Variants in UNC13D observed in about 807,000 individuals in gnomAD.
UNC13D encodes unc-13 homolog D, also known as protein unc-13 homolog D.
A neutral mutation model predicts 151.7 loss-of-function variants in UNC13D; 115 were observed. That is an observed-to-expected ratio of 0.76 (90% confidence interval 0.65 to 0.88). The LOEUF (loss-of-function observed/expected upper bound fraction) is 0.88, where lower values mean the gene tolerates loss of function less well. UNC13D is among the 40% of genes least tolerant of loss of function. The pLI is 0.00. For missense variants in UNC13D, 1,369 were observed against 1,438.7 expected (o/e 0.95, Z 0.78); for synonymous variants, 588 against 612.2 (o/e 0.96, Z 0.58).
rs141499220 is a variant in UNC13D, at chr17:75,840,071, C to T, written c.898G>A (p.Val300Met). The T allele has an allele frequency of 1.8e-5, 29 of 1,613,442 alleles. No individual in the cohort carries two copies. Among genetic ancestry groups the T allele is most frequent in the African/African-American group, 1.1e-4 (8 of 75,042 alleles). The change falls in exon 11 of 32, where the codon GTG (valine) becomes ATG (methionine). Residue 300 changes from valine to methionine, a missense_variant. Around this residue, in one of 3 missense-constraint regions of UNC13D, gnomAD observed 550 missense variants for 609.0 expected, o/e 0.90. Coordinates refer to ENST00000207549, the MANE Select transcript of UNC13D (RefSeq NM_199242.3). The surrounding 1 kb of genome is among the most constrained non-coding windows in gnomAD (Gnocchi z 4.6). ...SASRSQPSYT[V>M]HLHLLQQLVS... ...AGCTGCTGCAGGAGGTGGAGGTGCA[C>T]GGTGTAGCTCGGCTGCGAGCGGCTG...
At position 75,835,485 on chromosome 17, in the gene UNC13D, G is replaced by T; in HGVS notation, c.1772C>A (p.Pro591Gln). 1 of 1,611,814 alleles carries T rather than the reference G, an allele frequency of 6.2e-7. No homozygotes were observed. Among genetic ancestry groups the T allele is most frequent in the Non-Finnish European group, 8.5e-7 (1 of 1,179,182 alleles). The change falls in exon 20 of 32, where the codon CCG becomes CAG. Residue 591 changes from proline to glutamine, a missense_variant. Around this residue, in one of 3 missense-constraint regions of UNC13D, gnomAD observed 807 missense variants for 795.5 expected, o/e 1.01. Transcript: ENST00000207549. Reference protein sequence around the residue: ...ALDNFHRWFQPAIPSWLQKTY... With the variant: ...ALDNFHRWFQQAIPSWLQKTY... Reference sequence around the variant, plus strand: ...CTTCTGCAGCCAGGAGGGGATGGCCGGCTGGAACCAGCGGTGGAAATTATC... The same window carrying T: ...CTTCTGCAGCCAGGAGGGGATGGCCTGCTGGAACCAGCGGTGGAAATTATC...
intron 26 of UNC13D, 21 bp from the exon 27 acceptor site, chr17:75,831,190 G>A: frequency 1.2e-6 from 2 of 1,614,124 alleles, no homozygotes; most frequent in Non-Finnish European, 1.7e-6. Context: ...TATCAGAGGT[G>A]ACCCCAGGCA....
chr17:75,841,371 C>A (rs1189757143), intron 6 of UNC13D, among the ~76,000 whole-genome samples: 2 of 151,222 alleles, frequency 1.3e-5, no homozygotes, highest in Admixed American at 1.3e-4. Context: ...TCTTGAGCTT[C>A]TGACCTCGTG....
chr17:75,831,381 A>ACGGCAGGGCGGTGG, intron 25 of UNC13D, 33 bp from the exon 26 acceptor site: 1 of 1,585,588 alleles, frequency 6.3e-7, no homozygotes, highest in Non-Finnish European at 8.6e-7. Flanking sequence ...CGGACACAGC[A>ACGGCAGGGCGGTGG]CGGCAGGGCG....
chr17:75,835,359 G>T, intron 20 of UNC13D, 50 bp downstream of exon 20: 1 of 1,598,892 alleles, frequency 6.3e-7, no homozygotes. Context: ...CAGAACCCAA[G>T]CCTCACCCCC....
At position 75,828,014 on chromosome 17, in the gene UNC13D, C is replaced by A. The variant is rs377594755; in HGVS notation, c.3224G>T (p.Arg1075Leu). 27 of 1,594,670 alleles carry A rather than the reference C, an allele frequency of 1.7e-5. No homozygotes were observed. In the Middle Eastern group the frequency reaches 1.2e-3, roughly 72 times the overall value. ...REAQVFVRLR[R>L]HRAKQASQHA... ...CTGGGAGGCCTGCTTGGCCCGGTGC[C>A]GCCGCAGCCTCACAAAGACCTGGGC... Residue 1075 changes from arginine to leucine, a missense_variant, in exon 32 of 32, where the codon CGG becomes CTG. Physicochemically the swap from Arg to Leu is moderately radical, Grantham distance 102. Coordinates refer to ENST00000207549, the MANE Select transcript of UNC13D (RefSeq NM_199242.3).
chr17:75,834,755 G>A (rs1427865136), intron 21 of UNC13D, 39 bp from the exon 22 acceptor site: 3 of 1,610,272 alleles, frequency 1.9e-6, no homozygotes, highest in East Asian at 4.5e-5. Context: ...ATCCATGGGT[G>A]GGGCATCCAG....
In UNC13D at chr17:75,843,004, C is replaced by A. The variant is rs750313281; in HGVS notation, c.321+10G>T. ...CCTCCTTGCCCAGGGGGACCCTGGC[C>A]CCAGGTTACCTCAAGCTCCCTGACC... On this transcript the variant is annotated intron_variant, in intron 4 of 31. Coordinates refer to ENST00000207549, the MANE Select transcript of UNC13D (RefSeq NM_199242.3). The A allele has an allele frequency of 1.8e-5, 29 of 1,612,540 alleles. No individual in the cohort carries two copies. Among genetic ancestry groups the A allele is most frequent in the Non-Finnish European group, 2.4e-5 (28 of 1,179,950 alleles).
rs1231555484 is a variant in UNC13D at position 75,840,943 on chromosome 17, G to A, written c.614+14C>T. On this transcript the variant is annotated intron_variant, in intron 7 of 31. Transcript: ENST00000207549. This position sits in a 1 kb window ranked among gnomAD's most constrained non-coding sequence, Gnocchi z 4.6. ...CTTCCCTTCCCATCCCTAGGGGCAG[G>A]CCAGGTCACTCACCACATGTCCAGA... is the stretch of plus-strand genomic sequence containing the variant. 2.5e-6 allele frequency: 4 copies of A among 1,614,024 alleles called. No homozygotes were observed. Among genetic ancestry groups the A allele is most frequent in the Non-Finnish European group, 3.4e-6 (4 of 1,180,004 alleles).
In UNC13D at chr17:75,842,999, C is replaced by G. The variant is rs1160694045; in HGVS notation, c.321+15G>C. 2 of 1,612,652 alleles carry G rather than the reference C, an allele frequency of 1.2e-6. No individual in the cohort carries two copies. Among genetic ancestry groups the G allele is most frequent in the South Asian group, 1.1e-5 (1 of 91,084 alleles). ...AGGCCCCTCCTTGCCCAGGGGGACC[C>G]TGGCCCCAGGTTACCTCAAGCTCCC... On this transcript the variant is annotated intron_variant, in intron 4 of 31. Transcript: ENST00000207549.
chr17:75,827,556 C>T lies in UNC13D; in HGVS notation c.*409G>A. ...TCTCCCTTTTCCAGGAGACTCTGTG[C>T]CTGTAGCCCTGGTCCCAGTGAACCT... is the stretch of plus-strand genomic sequence containing the variant. On this transcript the variant is annotated 3_prime_UTR_variant, in exon 32 of 32. Transcript: ENST00000207549. 6.5e-7 allele frequency: 1 copy of T among 1,534,848 alleles called. No individual in the cohort carries two copies. The highest frequency in any genetic ancestry group is 8.7e-7 in the Non-Finnish European group (1 of 1,146,324).
chr17:75,831,371 C>G (rs781412638), intron 25 of UNC13D, 23 bp from the exon 26 acceptor site: 3 of 1,599,426 alleles, frequency 1.9e-6, no homozygotes, highest in South Asian at 1.1e-5. Context: ...CGGAGGGATG[C>G]GGACACAGCA....
Position 75,828,069 on chromosome 17 carries a change from G to C in UNC13D, c.3169C>G (p.Leu1057Val). The C allele has an allele frequency of 6.4e-7, 1 of 1,574,472 alleles. No homozygotes were observed. The highest frequency in any genetic ancestry group is 8.6e-7 in the Non-Finnish European group (1 of 1,160,166). ...CGGTCACCCTTCCGGCCCTCCAGCA[G>C]CTGCAGGATTGGGTCCCCTGCGGAG... ...PAPNGDPILQ[L>V]LEGRKGDREA... The change falls in exon 32 of 32, where the codon CTG (leucine) becomes GTG (valine). Residue 1057 changes from leucine (L) to valine (V), a missense_variant. Leu to Val is a conservative substitution (Grantham distance 32). Coordinates refer to ENST00000207549, the MANE Select transcript of UNC13D (RefSeq NM_199242.3).
rs759154111 is a variant in UNC13D, at chr17:75,840,936, G to C, written c.614+21C>G. 6.2e-7 allele frequency: 1 copy of C among 1,614,086 alleles called. No homozygotes were observed. The highest frequency in any genetic ancestry group is 1.7e-5 in the Admixed American group (1 of 60,010). On this transcript the variant is annotated intron_variant, in intron 7 of 31. Transcript: ENST00000207549. The surrounding 1 kb of genome is among the most constrained non-coding windows in gnomAD (Gnocchi z 4.6). ...CAGATCCCTTCCCTTCCCATCCCTA[G>C]GGGCAGGCCAGGTCACTCACCACAT...
At position 75,840,212 on chromosome 17, in the gene UNC13D, G is replaced by C; in HGVS notation, c.858+13C>G. The C allele has an allele frequency of 1.2e-6, 2 of 1,613,764 alleles. No individual in the cohort carries two copies. Among genetic ancestry groups the C allele is most frequent in the Non-Finnish European group, 1.7e-6 (2 of 1,179,896 alleles). On this transcript the variant is annotated intron_variant, in intron 10 of 31. Transcript: ENST00000207549. The surrounding 1 kb of genome is among the most constrained non-coding windows in gnomAD (Gnocchi z 4.6). The stretch of plus-strand genomic sequence containing the variant: ...AGAGCTGGGCATGGCCACTGGCCCA[G>C]TACCCGACCTACCCGCTTATGGATG...
At position 75,839,904 on chromosome 17, in the gene UNC13D, C is replaced by G. The variant is rs2064935236; in HGVS notation, c.990G>C (p.Gln330His). The G allele has an allele frequency of 1.2e-6, 2 of 1,613,866 alleles. No individual in the cohort carries two copies. The highest frequency in any genetic ancestry group is 4.5e-5 in the East Asian group (2 of 44,878). ...STSWDGSLSPQAATVLFLHAT... is the reference protein window; with the variant it reads ...STSWDGSLSPHAATVLFLHAT... ...CGTGCAGAAAGAGGACGGTGGCAGC[C>G]TGGGGACTCAGCGACCCGTCCCAGG... is the stretch of plus-strand genomic sequence containing the variant. The change falls in exon 12 of 32, where the codon CAG becomes CAC. Residue 330 changes from glutamine to histidine, a missense_variant. This residue lies in a region of UNC13D where 550 missense variants were observed against 609.0 expected (regional missense o/e 0.90). Coordinates refer to ENST00000207549, the MANE Select transcript of UNC13D (RefSeq NM_199242.3).
intron 28 of UNC13D, 42 bp downstream of exon 28, chr17:75,830,536 T>C (rs778259061): frequency 6.3e-7 from 1 of 1,575,616 alleles, no homozygotes; most frequent in Non-Finnish European, 8.6e-7. Flanking sequence ...AGCGGGGTGC[T>C]CCAGGGCCTG....
At chr17:75,830,858 G>A (rs1452612996) in intron 27 of UNC13D, among the ~76,000 whole-genome samples, 197 bp from the exon 28 acceptor site, 1 of 152,156 alleles carries the variant, frequency 6.6e-6, no homozygotes, top group Admixed American at 6.5e-5. Flanking sequence ...CTTCACAGGC[G>A]TGCTTCCCCG....
At position 75,833,968 on chromosome 17, in the gene UNC13D, G is replaced by T; in HGVS notation, c.2367+107C>A. ...AAACTGAGGCCCAGGGAGAGAACAT[G>T]CTTTGCCTGGTCTGGGGGACTTATC... On this transcript the variant is annotated intron_variant, in intron 24 of 31. Coordinates refer to ENST00000207549, the MANE Select transcript of UNC13D (RefSeq NM_199242.3). The surrounding 1 kb of genome is among the most constrained non-coding windows in gnomAD (Gnocchi z 4.0). 7.1e-7 allele frequency: 1 copy of T among 1,417,356 alleles called. No individual in the cohort carries two copies. 87.8% of individuals were successfully genotyped at this position (1,417,356 alleles called of 1,614,324 possible).
Sources: gnomAD v4.1 joint callset for allele counts (sites outside exome capture counted in the v4.1 genomes callset) on GRCh38, gnomAD v4.1.1 for gene constraint, gnomAD v4.1.1 regional missense constraint, Gnocchi (gnomAD v3.1) non-coding constraint, MANE v1.5 for transcripts, NCBI Gene and HGNC (gene_info 2026-07-23, HGNC 2026-07-21) for gene names.